TMPRSS4: variants seen among roughly 807,000 people sequenced by gnomAD.
The protein encoded by TMPRSS4 is transmembrane serine protease 4.
TMPRSS4 carries 45 observed loss-of-function variants against 56.4 expected under a neutral mutation model. That is an observed-to-expected ratio of 0.80 (90% CI 0.63 to 1.02). The LOEUF is 1.02. Among genes scored for constraint, TMPRSS4 ranks in the 50% least tolerant of loss-of-function variants. The pLI is 0.00. For missense variants in TMPRSS4, 546 were observed against 556.7 expected, an observed-to-expected ratio of 0.98 and a Z score of 0.19; for synonymous variants, 205 against 211.0, an observed-to-expected ratio of 0.97 and a Z score of 0.25.
intron 1 of TMPRSS4, among the ~76,000 whole-genome samples, chr11:118,089,396 C>T (rs552657000): frequency 6.6e-6 from 1 of 152,250 alleles, no homozygotes; most frequent in Admixed American, 6.5e-5. Flanking sequence ...CAGGTGATGG[C>T]TTTTTTATGT....
intron 2 of TMPRSS4, 165 bp downstream of exon 2, chr11:118,095,020 G>A (rs989512491): frequency 2.3e-5 from 17 of 745,818 alleles, no homozygotes; most frequent in African/African-American, 1.9e-4. Context: ...AAACATTCCA[G>A]GATTCATTCC....
At chr11:118,092,900 C>G (rs183305238) in intron 1 of TMPRSS4, among the ~76,000 whole-genome samples, 1 of 152,324 alleles carries the variant, frequency 6.6e-6, no homozygotes, top group Non-Finnish European at 1.5e-5. Context: ...CCAGCATTTC[C>G]CACCAGACAA....
rs751074412 is a variant in TMPRSS4, at chr11:118,113,259, C to T, written c.744-10C>T. 1 of 1,612,886 alleles carries T rather than the reference C, an allele frequency of 6.2e-7. No homozygotes were observed. The highest frequency in any genetic ancestry group is 8.5e-7 in the Non-Finnish European group (1 of 1,179,346). ...GGATCAGGCCTGAACCCAGCTGTCTCTACCCCCAGGAAACATACCGATGTG... is the reference window on the plus strand; with the variant it reads ...GGATCAGGCCTGAACCCAGCTGTCTTTACCCCCAGGAAACATACCGATGTG... On this transcript the variant is annotated splice_polypyrimidine_tract_variant and intron_variant, in intron 8 of 12. Coordinates refer to ENST00000437212, the MANE Select transcript of TMPRSS4 (RefSeq NM_019894.4).
At position 118,118,886 on chromosome 11, in the gene TMPRSS4, G is replaced by A. The variant is rs1250386417; in HGVS notation, c.*973G>A. The A allele has an allele frequency of 1.0e-6, 1 of 985,260 alleles. No individual in the cohort carries two copies. Among genetic ancestry groups the A allele is most frequent in the Non-Finnish European group, 1.2e-6 (1 of 829,952 alleles). 61.0% of individuals were successfully genotyped at this position (985,260 alleles called of 1,614,324 possible). A position where few individuals can be genotyped will look rare whatever the true frequency, so the allele number is the denominator to read the frequency against. On this transcript the variant is annotated 3_prime_UTR_variant, in exon 13 of 13. Transcript: ENST00000437212. ...CTTCTTACATTTAAAAAACAAAAAG[G>A]ATCAGCTGCCAGGTGTGAGGCAGTC...
At chr11:118,102,466 GGGAGGCCGA>G (rs1946763230) in intron 3 of TMPRSS4, among the ~76,000 whole-genome samples, 1 of 152,188 alleles carries the variant, frequency 6.6e-6, no homozygotes. Flanking sequence ...CCAGCACTTT[GGGAGGCCGA>G]GGCGGGTGGA....
intron 3 of TMPRSS4, 185 bp downstream of exon 3, chr11:118,099,283 C>T (rs1162571420): frequency 3.9e-6 from 2 of 507,040 alleles, no homozygotes; most frequent in Non-Finnish European, 7.1e-6. Flanking sequence ...CCCATTATCA[C>T]CTCAGTAAGT....
intron 11 of TMPRSS4, among the ~76,000 whole-genome samples, chr11:118,116,571 T>C (rs1004108195): frequency 6.7e-6 from 1 of 149,932 alleles, no homozygotes; most frequent in Non-Finnish European, 1.5e-5. Flanking sequence ...CCCCATTTGA[T>C]CCTAAGCTTT....
At chr11:118,096,370 T>C (rs1254638701) in intron 2 of TMPRSS4, among the ~76,000 whole-genome samples, 1 of 152,206 alleles carries the variant, frequency 6.6e-6, no homozygotes, top group African/African-American at 2.4e-5. Context: ...AATACTAGCA[T>C]TCATTGGGCG....
In TMPRSS4 at chr11:118,099,080, A is replaced by T; in HGVS notation, c.139A>T (p.Ile47Phe). Reference sequence around the variant, plus strand: ...AGCACTACTGAGCCTGGCGAGTATCATCATTGTGGTTGTCCTCAGTAAGTG... The same window carrying T: ...AGCACTACTGAGCCTGGCGAGTATCTTCATTGTGGTTGTCCTCAGTAAGTG... ...IIALLSLASI[I>F]IVVVLIKVIL... Residue 47 changes from isoleucine (I) to phenylalanine (F), a missense_variant, in exon 3 of 13, where the codon ATC becomes TTC. Coordinates refer to ENST00000437212, the MANE Select transcript of TMPRSS4 (RefSeq NM_019894.4). 1 of 1,613,828 alleles carries T rather than the reference A, an allele frequency of 6.2e-7. No individual in the cohort carries two copies. The highest frequency in any genetic ancestry group is 8.5e-7 in the Non-Finnish European group (1 of 1,179,892).
chr11:118,113,209 C>T (rs142069909), intron 8 of TMPRSS4, 60 bp from the exon 9 acceptor site: 1 of 1,539,988 alleles, frequency 6.5e-7, no homozygotes. Context: ...GGGGACCCAG[C>T]CTTTGGCAAA....
Position 118,111,875 on chromosome 11 carries a change from G to A in TMPRSS4, c.718G>A (p.Val240Ile). The change falls in exon 8 of 13, where the codon GTC becomes ATC. Residue 240 changes from valine to isoleucine, a missense_variant. Transcript: ENST00000437212. ...CGGSILDPHW[V>I]LTAAHCFRKH... The stretch of plus-strand genomic sequence containing the variant: ...AGGGAGCATCCTGGACCCCCACTGG[G>A]TCCTCACGGCAGCCCACTGCTTCAG... 6.2e-7 allele frequency: 1 copy of A among 1,609,088 alleles called. No individual in the cohort carries two copies. Among genetic ancestry groups the A allele is most frequent in the Non-Finnish European group, 8.5e-7 (1 of 1,177,916 alleles).
chr11:118,077,408 A>C, intron 1 of TMPRSS4, 103 bp downstream of exon 1: 1 of 1,371,966 alleles, frequency 7.3e-7, no homozygotes, highest in East Asian at 2.7e-5. Context: ...ATTCTGTGAC[A>C]CCTTCTAGGT....
At chr11:118,097,032 G>GAAAGAA (rs1946432463) in intron 2 of TMPRSS4, among the ~76,000 whole-genome samples, 1 of 80,378 alleles carries the variant, frequency 1.2e-5, no homozygotes, top group African/African-American at 6.1e-5. Context: ...AAGAAAGAAA[G>GAAAGAA]AAAAGGAAAG....
chr11:118,083,819 G>A (rs994330996), intron 1 of TMPRSS4, among the ~76,000 whole-genome samples: 7 of 152,212 alleles, frequency 4.6e-5, no homozygotes, highest in South Asian at 2.1e-4. Flanking sequence ...TTGGGAGGCC[G>A]AAAAGGGCAG....
chr11:118,082,554 C>T (rs1380369778), intron 1 of TMPRSS4, among the ~76,000 whole-genome samples: 2 of 122,074 alleles, frequency 1.6e-5, no homozygotes, highest in East Asian at 2.6e-4. Flanking sequence ...GAGTGAGACT[C>T]GGTCTCAAAA....
chr11:118,077,472 C>T (rs1032107670), intron 1 of TMPRSS4, among the ~76,000 whole-genome samples, 167 bp downstream of exon 1: 1 of 152,222 alleles, frequency 6.6e-6, no homozygotes, highest in Non-Finnish European at 1.5e-5. Flanking sequence ...GTACACGTCT[C>T]ATACCCACCT....
Position 118,104,761 on chromosome 11 carries a change from T to C in TMPRSS4, c.381T>C (p.Cys127=), listed in dbSNP as rs780541821. The change falls in exon 5 of 13, where the codon TGT becomes TGC. Residue 127 remains cysteine, a synonymous_variant. Transcript: ENST00000437212. The part of the protein sequence containing the change: ...DSATGNWFSA[C]FDNFTEALAE... The stretch of plus-strand genomic sequence containing the variant: ...CCACAGGGAACTGGTTCTCTGCCTG[T>C]TTCGACAACTTCACAGAAGCTCTCG... 28 of 1,614,164 alleles carry C rather than the reference T, an allele frequency of 1.7e-5. No individual in the cohort carries two copies. The highest frequency in any genetic ancestry group is 2.4e-5 in the Non-Finnish European group (28 of 1,180,000).
chr11:118,096,838 G>GAAAGAAA (rs1946322378), intron 2 of TMPRSS4, among the ~76,000 whole-genome samples: 1 of 24,754 alleles, frequency 4.0e-5, no homozygotes, highest in African/African-American at 2.1e-4. Context: ...AAAGAAAGAA[G>GAAAGAAA]GAAAGAAGGA....
At chr11:118,084,992 G>A (rs962600811) in intron 1 of TMPRSS4, among the ~76,000 whole-genome samples, 1 of 152,170 alleles carries the variant, frequency 6.6e-6, no homozygotes, top group Non-Finnish European at 1.5e-5. Context: ...AGGGGACTAT[G>A]AGCAAGTCTG....
Sources: gnomAD v4.1 joint callset for allele counts (sites outside exome capture counted in the v4.1 genomes callset) on GRCh38, gnomAD v4.1.1 for gene constraint, MANE v1.5 for transcripts, NCBI Gene and HGNC (gene_info 2026-07-23, HGNC 2026-07-21) for gene names.